Variants in MYCBP observed in about 807,000 individuals in gnomAD.
MYCBP encodes the protein C-Myc-binding protein.
In MYCBP, 5 loss-of-function variants were observed where a neutral mutation model predicts 16.8. The ratio of observed to expected loss-of-function variants is 0.30; its 90% CI spans 0.16 to 0.63. The LOEUF (loss-of-function observed/expected upper bound fraction) is 0.63. Among genes scored for constraint, MYCBP ranks in the 20% least tolerant of loss-of-function variants. The pLI is 0.83. For missense variants in MYCBP, 103 were observed against 121.8 expected (o/e 0.85, Z 0.73); for synonymous variants, 35 against 43.7 (o/e 0.80, Z 0.79).
chr1:38,873,009 C>T lies in MYCBP; in HGVS notation c.88+9G>A. On this transcript the variant is annotated intron_variant, in intron 2 of 4. Coordinates refer to ENST00000397572, the MANE Select transcript of MYCBP (RefSeq NM_012333.5). ...GGGCACGAGGTACCCTCTCCTAGCC[C>T]AGGCTCACCCTTGGTCAGCGTGTCC... is the stretch of plus-strand genomic sequence containing the variant. The T allele has an allele frequency of 1.9e-6, 3 of 1,570,674 alleles. No individual in the cohort carries two copies. The highest frequency in any genetic ancestry group is 2.6e-6 in the Non-Finnish European group (3 of 1,158,014).
At chr1:38,870,247 T>C (rs1642433070) in intron 2 of MYCBP, among the ~76,000 whole-genome samples, 1 of 151,058 alleles carries the variant, frequency 6.6e-6, no homozygotes, top group Non-Finnish European at 1.5e-5. Flanking sequence ...CTTGGGTGCC[T>C]GAGGTGGGAG....
intron 2 of MYCBP, among the ~76,000 whole-genome samples, chr1:38,868,733 G>A (rs886423121): frequency 1.8e-4 from 27 of 151,850 alleles, no homozygotes; most frequent in Non-Finnish European, 3.2e-4. Flanking sequence ...GTGAAACCCC[G>A]TCTCTACTAA....
intron 2 of MYCBP, among the ~76,000 whole-genome samples, chr1:38,868,758 G>T (rs373773718): frequency 2.0e-5 from 3 of 151,934 alleles, no homozygotes; most frequent in Non-Finnish European, 4.4e-5. Context: ...TACAAAAAAT[G>T]AGCCAGGCGT....
At chr1:38,867,681 AC>A in intron 2 of MYCBP, 71 bp from the exon 3 acceptor site, 1 of 1,365,332 alleles carries the variant, frequency 7.3e-7, no homozygotes, top group Non-Finnish European at 1.0e-6. Context: ...ATGTTCCATT[AC>A]CCAGTAAATA....
At position 38,870,048 on chromosome 1, in the gene MYCBP, T is replaced by C. The variant is rs12564224; in HGVS notation, c.89-2438A>G. 1.5e-4 allele frequency among the ~76,000 whole-genome samples: 22 copies of C among 151,072 alleles called. No homozygotes were observed. In the East Asian group the frequency reaches 4.5e-3, roughly 31 times the overall value. The stretch of plus-strand genomic sequence containing the variant: ...AGCCGGGCATGGTGGCAGGCACCTG[T>C]AGTCCCAGCTACTTGGGAGGCTGAG... On this transcript the variant is annotated intron_variant, in intron 2 of 4. Transcript: ENST00000397572.
chr1:38,867,670 T>C, intron 2 of MYCBP, 60 bp from the exon 3 acceptor site: 2 of 1,423,994 alleles, frequency 1.4e-6, no homozygotes, highest in Admixed American at 1.7e-5. Flanking sequence ...TGGCTGAAAT[T>C]ATGTTCCATT....
At chr1:38,869,164 C>T (rs1642406631) in intron 2 of MYCBP, among the ~76,000 whole-genome samples, 1 of 150,856 alleles carries the variant, frequency 6.6e-6, no homozygotes, top group Non-Finnish European at 1.5e-5. Flanking sequence ...TCTTGGCTCA[C>T]CACAACCCCC....
intron 2 of MYCBP, among the ~76,000 whole-genome samples, chr1:38,868,247 T>C (rs1350757519): frequency 6.6e-6 from 1 of 152,122 alleles, no homozygotes; most frequent in African/African-American, 2.4e-5. Flanking sequence ...AGTAGAGTGA[T>C]GGGAGTGAGA....
chr1:38,865,619 T>A (rs1206792793), intron 4 of MYCBP, among the ~76,000 whole-genome samples: 4 of 151,922 alleles, frequency 2.6e-5, no homozygotes, highest in African/African-American at 4.8e-5. Context: ...CAGGGCAACA[T>A]AATGGGACCC....
rs535879959 is a variant in MYCBP, at chr1:38,868,688, G to A, written c.89-1078C>T. On this transcript the variant is annotated intron_variant, in intron 2 of 4. Transcript: ENST00000397572. ...TGGGAGGCCAAGGCGGGCAGATCAC[G>A]AAGTCAGGAGATCAAGACCATCCTG... is the stretch of plus-strand genomic sequence containing the variant. Among the ~76,000 whole-genome samples, 255 of 152,202 alleles carry A rather than the reference G, an allele frequency of 1.7e-3. 1 individual carries two copies. Among genetic ancestry groups the A allele is most frequent in the Non-Finnish European group, 3.2e-3 (219 of 68,020 alleles).
chr1:38,862,924 C>G lies in MYCBP; in HGVS notation c.*1746G>C, dbSNP rs1642270502. The G allele has an allele frequency of 6.6e-6, 1 of 152,196 alleles. No homozygotes were observed. The highest frequency in any genetic ancestry group is 1.5e-5 in the Non-Finnish European group (1 of 68,034). 9.4% of individuals were successfully genotyped at this position (152,196 alleles called of 1,614,324 possible). On this transcript the variant is annotated 3_prime_UTR_variant, in exon 5 of 5. Coordinates refer to ENST00000397572, the MANE Select transcript of MYCBP (RefSeq NM_012333.5). Reference sequence around the variant, plus strand: ...ACAAAAAATTTTCAACCTGTATCTACCAAGAAACTATCATACCAACTAAGG... The same window carrying G: ...ACAAAAAATTTTCAACCTGTATCTAGCAAGAAACTATCATACCAACTAAGG...
At chr1:38,868,928 C>G (rs1642399793) in intron 2 of MYCBP, among the ~76,000 whole-genome samples, 1 of 151,960 alleles carries the variant, frequency 6.6e-6, no homozygotes, top group Non-Finnish European at 1.5e-5. Context: ...ACAAAACAAA[C>G]AAACAAAAAA....
chr1:38,869,869 CA>C (rs57974251), intron 2 of MYCBP, among the ~76,000 whole-genome samples: 134,490 of 142,578 alleles, frequency 0.94, 63,517 homozygotes, highest in Middle Eastern at 0.98. Flanking sequence ...CCCAACTCTA[CA>C]AAAAAAAAAA....
At chr1:38,864,856 A>G in intron 4 of MYCBP, 142 bp from the exon 5 acceptor site, 1 of 735,032 alleles carries the variant, frequency 1.4e-6, no homozygotes, top group Non-Finnish European at 2.3e-6. Flanking sequence ...TCCATTTTAA[A>G]TCATTCAGTG....
Position 38,873,040 on chromosome 1 carries a change from C to A in MYCBP, c.66G>T (p.Gly22=), listed in dbSNP as rs1223657103. Residue 22 remains glycine, a synonymous_variant, in exon 2 of 5, where the codon GGG becomes GGT. Transcript: ENST00000397572. Reference sequence around the variant, plus strand: ...CACCCTTGGTCAGCGTGTCCAGCACCCCCGACTTCTCCAAGTACCTCCGGA... The same window carrying A: ...CACCCTTGGTCAGCGTGTCCAGCACACCCGACTTCTCCAAGTACCTCCGGA... ...EQFRRYLEKS[G]VLDTLTKVLV... is the part of the protein sequence containing the mutation. 1 of 1,576,938 alleles carries A rather than the reference C, an allele frequency of 6.3e-7. No individual in the cohort carries two copies. The highest frequency in any genetic ancestry group is 1.8e-5 in the Admixed American group (1 of 55,492).
intron 2 of MYCBP, among the ~76,000 whole-genome samples, chr1:38,868,726 A>G (rs1445796179): frequency 2.0e-5 from 3 of 152,092 alleles, no homozygotes; most frequent in Non-Finnish European, 4.4e-5. Context: ...TAACACAGTG[A>G]AACCCCGTCT....
chr1:38,872,385 AAG>A (rs1642483294), intron 2 of MYCBP, among the ~76,000 whole-genome samples: 2 of 152,268 alleles, frequency 1.3e-5, no homozygotes, highest in African/African-American at 4.8e-5. Flanking sequence ...GCCACGAATG[AAG>A]AGATACAGCG....
chr1:38,866,044 C>CTTTTTTTTTTTTTTTTTTTTTTT lies in MYCBP; in HGVS notation c.267+835_267+836insAAAAAAAAAAAAAAAAAAAAAAA, dbSNP rs71057153. On this transcript the variant is annotated intron_variant, in intron 4 of 4. Coordinates refer to ENST00000397572, the MANE Select transcript of MYCBP (RefSeq NM_012333.5). ...TAGTAATACAGGTTCCTAAGAACCT[C>CTTTTTTTTTTTTTTTTTTTTTTT]TTTTTTTTTTTTTTTTTTTTTGAGA... Among the ~76,000 whole-genome samples the CTTTTTTTTTTTTTTTTTTTTTTT allele has an allele frequency of 6.1e-5, 4 of 65,720 alleles. 1 individual carries two copies. The highest frequency in any genetic ancestry group is 2.4e-4 in the African/African-American group (3 of 12,652). The allele number at this position is 65,720 out of a possible 152,430, so 43.1% of individuals were successfully genotyped here.
At chr1:38,872,691 C>T (rs1004301232) in intron 2 of MYCBP, 5 of 362,204 alleles carry the variant, frequency 1.4e-5, no homozygotes, top group African/African-American at 1.1e-4. Flanking sequence ...CCATAAAAAC[C>T]GTAAGGTGGG....
Sources: allele counts gnomAD v4.1 joint callset (sites outside exome capture counted in the v4.1 genomes callset), GRCh38; gene constraint gnomAD v4.1.1; transcripts MANE v1.5; gene names NCBI Gene and HGNC (gene_info 2026-07-23, HGNC 2026-07-21).